Variants in CTIF observed in about 807,000 individuals in gnomAD.
CTIF encodes cap binding complex dependent translation initiation factor, also known as CBP80/20-dependent translation initiation factor.
A neutral mutation model predicts 66.0 loss-of-function variants in CTIF; 21 were observed. The observed-to-expected ratio is 0.32, with a 90% CI of 0.23 to 0.46. The LOEUF (loss-of-function observed/expected upper bound fraction) is 0.46. Among genes scored for constraint, CTIF ranks in the 20% least tolerant of loss-of-function variants. The probability of loss-of-function intolerance (pLI) is 1.00; values close to 1 mark genes in which losing one functional copy is unlikely to be tolerated. For missense variants in CTIF, 739 were observed against 812.7 expected (o/e 0.91, Z 1.10); for synonymous variants, 345 against 326.4 (o/e 1.06, Z -0.62).
intron 1 of CTIF, among the ~76,000 whole-genome samples, chr18:48,541,401 C>G (rs1425648291): frequency 6.6e-6 from 1 of 152,220 alleles, no homozygotes; most frequent in Non-Finnish European, 1.5e-5. Flanking sequence ...CTGCTGGAGC[C>G]AGGGCCGAGA....
intron 6 of CTIF, among the ~76,000 whole-genome samples, chr18:48,695,475 A>T (rs528015163): frequency 6.6e-6 from 1 of 152,172 alleles, no homozygotes; most frequent in African/African-American, 2.4e-5. Flanking sequence ...GCATTCCGCT[A>T]CGGTTCAATC....
At chr18:48,738,130 G>C (rs1598954425) in intron 7 of CTIF, among the ~76,000 whole-genome samples, 1 of 152,276 alleles carries the variant, frequency 6.6e-6, no homozygotes. Context: ...CAGACACCTT[G>C]CAGACATTCT....
intron 2 of CTIF, chr18:48,625,113 C>A: frequency 2.0e-6 from 1 of 508,100 alleles, no homozygotes; most frequent in Non-Finnish European, 2.5e-6. Context: ...ACTGTTCCCT[C>A]GCCCTTTTTC....
At chr18:48,779,366 G>A (rs374035975) in intron 9 of CTIF, among the ~76,000 whole-genome samples, 1 of 152,282 alleles carries the variant, frequency 6.6e-6, no homozygotes, top group South Asian at 2.1e-4. Context: ...GGAGGTATAC[G>A]TCAAGTCACG....
chr18:48,818,565 G>C (rs2068417759), intron 10 of CTIF, among the ~76,000 whole-genome samples: 1 of 152,168 alleles, frequency 6.6e-6, no homozygotes, highest in Admixed American at 6.5e-5. Context: ...ATGGAGGTAG[G>C]GGATAGAGGG....
chr18:48,713,785 G>A (rs549926979), intron 7 of CTIF, among the ~76,000 whole-genome samples: 1 of 152,330 alleles, frequency 6.6e-6, no homozygotes, highest in East Asian at 1.9e-4. Flanking sequence ...GAGGAAGTCA[G>A]CTTGGATGGA....
intron 9 of CTIF, among the ~76,000 whole-genome samples, chr18:48,803,006 G>A (rs544308012): frequency 4.3e-4 from 65 of 152,332 alleles, no homozygotes; most frequent in South Asian, 1.2e-3. Context: ...AAGGCTTCGC[G>A]CCTGCCTAAG....
At chr18:48,593,668 C>T (rs1337296388) in intron 1 of CTIF, among the ~76,000 whole-genome samples, 5 of 152,000 alleles carry the variant, frequency 3.3e-5, no homozygotes, top group Non-Finnish European at 5.9e-5. Context: ...AGGTGTGAGC[C>T]ACCACACCCG....
chr18:48,783,379 C>G (rs1205032354), intron 9 of CTIF, among the ~76,000 whole-genome samples: 1 of 152,098 alleles, frequency 6.6e-6, no homozygotes, highest in African/African-American at 2.4e-5. Context: ...GTTGTCCTTT[C>G]TTTTATGATA....
At chr18:48,771,843 G>T (rs1910159962) in intron 9 of CTIF, among the ~76,000 whole-genome samples, 1 of 152,220 alleles carries the variant, frequency 6.6e-6, no homozygotes, top group African/African-American at 2.4e-5. Context: ...TCTGAGCTAT[G>T]CTAAGCGGCT....
chr18:48,816,132 G>C (rs76279841), intron 9 of CTIF, among the ~76,000 whole-genome samples: 15,258 of 152,154 alleles, frequency 0.1, 962 homozygotes, highest in Middle Eastern at 0.17. Context: ...AGGCCCTGTC[G>C]CATATGTTGC....
intron 9 of CTIF, among the ~76,000 whole-genome samples, chr18:48,802,867 T>G (rs2068074644): frequency 6.6e-6 from 1 of 152,214 alleles, no homozygotes; most frequent in Non-Finnish European, 1.5e-5. Context: ...CTTGTCCCAC[T>G]GGTATTCTTC....
intron 7 of CTIF, among the ~76,000 whole-genome samples, chr18:48,730,673 TTCTGCGGTGTGAGGAGCC>T (rs2092445579): frequency 8.9e-6 from 1 of 112,102 alleles, no homozygotes; most frequent in Admixed American, 8.6e-5. Flanking sequence ...TGTGAGGGGC[TTCTGCGGTGTGAGGAGCC>T]CCTGAGGTGT....
At chr18:48,608,217 G>C (rs1002146142) in intron 1 of CTIF, among the ~76,000 whole-genome samples, 1 of 152,184 alleles carries the variant, frequency 6.6e-6, no homozygotes, top group Non-Finnish European at 1.5e-5. Context: ...GTCTGAAGGG[G>C]ACAGCACTTC....
intron 6 of CTIF, among the ~76,000 whole-genome samples, chr18:48,700,833 A>G (rs1274017097): frequency 1.3e-5 from 2 of 152,050 alleles, no homozygotes; most frequent in African/African-American, 4.8e-5. Flanking sequence ...ACAGAGGTGG[A>G]GTCTTGTTTT....
At chr18:48,714,071 C>T (rs976844079) in intron 7 of CTIF, among the ~76,000 whole-genome samples, 2 of 152,106 alleles carry the variant, frequency 1.3e-5, no homozygotes, top group Non-Finnish European at 2.9e-5. Flanking sequence ...GCAGGGGTCT[C>T]CTGAGTCTGT....
At chr18:48,773,740 G>A (rs1447086850) in intron 9 of CTIF, among the ~76,000 whole-genome samples, 14 of 151,162 alleles carry the variant, frequency 9.3e-5, no homozygotes, top group East Asian at 3.9e-4. Context: ...CCCCACCCCC[G>A]GCCCTGGTGC....
chr18:48,768,754 A>G (rs1268416000), intron 9 of CTIF, among the ~76,000 whole-genome samples: 1 of 152,044 alleles, frequency 6.6e-6, no homozygotes, highest in African/African-American at 2.4e-5. Flanking sequence ...TGAAAAAAAA[A>G]ATAGGCAGGT....
At chr18:48,772,522 ATG>A (rs1910262112) in intron 9 of CTIF, among the ~76,000 whole-genome samples, 1 of 151,768 alleles carries the variant, frequency 6.6e-6, no homozygotes. Flanking sequence ...CCCTACAGCA[ATG>A]CCTCCCCTCC....
Sources: gnomAD v4.1 joint callset for allele counts (sites outside exome capture counted in the v4.1 genomes callset) on GRCh38, gnomAD v4.1.1 for gene constraint, MANE v1.5 for transcripts, NCBI Gene and HGNC (gene_info 2026-07-23, HGNC 2026-07-21) for gene names.